The following SLC16A5 variants were observed in gnomAD, a reference collection of about 807,000 sequenced individuals.
The protein encoded by SLC16A5 is monocarboxylate transporter 6.
A neutral mutation model predicts 33.2 loss-of-function variants in SLC16A5; 29 were observed. The observed-to-expected ratio is 0.87, with a 90% CI of 0.65 to 1.19. The LOEUF is 1.19. Ranked by LOEUF, SLC16A5 falls within the 50% of genes most tolerant of loss-of-function variation. The pLI is 0.00. For synonymous variants in SLC16A5, 248 were observed against 284.1 expected, an observed-to-expected ratio of 0.87 and a Z score of 1.28; for missense variants, 606 against 678.2, an observed-to-expected ratio of 0.89 and a Z score of 1.18.
rs548399920 is a variant in SLC16A5, at chr17:75,098,590, G to A, written c.343+409G>A. 7.2e-5 allele frequency among the ~76,000 whole-genome samples: 11 copies of A among 152,266 alleles called. No homozygotes were observed. The South Asian group carries it at 2.3e-3, about 32-fold the overall frequency. On this transcript the variant is annotated intron_variant, in intron 4 of 6. Coordinates refer to ENST00000329783, the MANE Select transcript of SLC16A5 (RefSeq NM_004695.4). ...CAAAAAACAAAGTGCTGGGATTACA[G>A]GTGTGAGCCCATCATGCCCAGCCCT...
At chr17:75,094,476 C>T (rs908118601) in intron 3 of SLC16A5, among the ~76,000 whole-genome samples, 1 of 152,116 alleles carries the variant, frequency 6.6e-6, no homozygotes, top group African/African-American at 2.4e-5. Flanking sequence ...CACCTGAGGT[C>T]GGGAGTTTGA....
chr17:75,094,475 T>C (rs560057927), intron 3 of SLC16A5, among the ~76,000 whole-genome samples: 1 of 151,840 alleles, frequency 6.6e-6, no homozygotes, highest in South Asian at 2.1e-4. Context: ...TCACCTGAGG[T>C]CGGGAGTTTG....
chr17:75,101,279 G>GT, intron 5 of SLC16A5, among the ~76,000 whole-genome samples: 1 of 148,638 alleles, frequency 6.7e-6, no homozygotes, highest in East Asian at 2.0e-4. Context: ...ATGGGTTTGT[G>GT]ACCAGGTGCG....
In SLC16A5 at chr17:75,100,502, T is replaced by C. The variant is rs781325686; in HGVS notation, c.839T>C (p.Ile280Thr). 13 of 1,614,184 alleles carry C rather than the reference T, an allele frequency of 8.1e-6. No homozygotes were observed. In the South Asian group the frequency reaches 1.3e-4, roughly 16 times the overall value. Residue 280 changes from isoleucine (I) to threonine (T), a missense_variant, in exon 5 of 7, where the codon ATC (isoleucine) becomes ACC (threonine). Transcript: ENST00000329783. ...EQQAALLISIIGFSNIFLRPL... is the reference protein window; with the variant it reads ...EQQAALLISITGFSNIFLRPL... The stretch of plus-strand genomic sequence containing the variant: ...CAGGCAGCCCTCCTCATCTCCATCA[T>C]CGGCTTCAGCAACATCTTCCTGAGG...
intron 6 of SLC16A5, 88 bp downstream of exon 6, chr17:75,104,268 A>G: frequency 6.5e-7 from 1 of 1,543,752 alleles, no homozygotes; most frequent in Non-Finnish European, 8.8e-7. Flanking sequence ...GTCTCAGCCC[A>G]GCCCAGGAGG....
intron 3 of SLC16A5, among the ~76,000 whole-genome samples, chr17:75,096,843 T>G (rs901467973): frequency 5.4e-5 from 6 of 111,296 alleles, no homozygotes; most frequent in African/African-American, 2.6e-4. Flanking sequence ...CTCCATCACT[T>G]TTTTTTTTTT....
At chr17:75,092,218 C>T (rs965105463) in intron 2 of SLC16A5, among the ~76,000 whole-genome samples, 3 of 151,808 alleles carry the variant, frequency 2.0e-5, no homozygotes, top group African/African-American at 7.3e-5. Flanking sequence ...GCTTGTATGC[C>T]TCTGTGTGTG....
intron 2 of SLC16A5, among the ~76,000 whole-genome samples, chr17:75,089,651 G>A (rs527347502): frequency 1.3e-5 from 2 of 151,850 alleles, no homozygotes; most frequent in Admixed American, 6.6e-5. Context: ...CTACTTCGGA[G>A]GCTGAGGCAG....
chr17:75,104,901 C>G, intron 6 of SLC16A5: 3 of 985,478 alleles, frequency 3.0e-6, no homozygotes, highest in Non-Finnish European at 3.6e-6. Context: ...CTGTGTGTTG[C>G]TGCTCCTACA....
At chr17:75,100,840 G>T in intron 5 of SLC16A5, 24 bp downstream of exon 5, 1 of 1,541,698 alleles carries the variant, frequency 6.5e-7, no homozygotes, top group East Asian at 2.4e-5. Context: ...AGGGAGGGCA[G>T]CCAGATAGTG....
chr17:75,087,643 C>G (rs1472760065), upstream of SLC16A5: 3 of 152,290 alleles, frequency 2.0e-5, no homozygotes, highest in Non-Finnish European at 4.4e-5. Context: ...CCTTCCCCAC[C>G]CCACTTCCTG....
chr17:75,103,860 C>A, intron 5 of SLC16A5, 110 bp from the exon 6 acceptor site: 1 of 940,950 alleles, frequency 1.1e-6, no homozygotes, highest in Non-Finnish European at 1.7e-6. Flanking sequence ...GTGTCAGCCA[C>A]AATTCCTAGT....
At chr17:75,097,880 A>G (rs2073740812) in intron 3 of SLC16A5, among the ~76,000 whole-genome samples, 158 bp from the exon 4 acceptor site, 2 of 152,298 alleles carry the variant, frequency 1.3e-5, no homozygotes, top group South Asian at 2.1e-4. Flanking sequence ...CTCAGGCCAC[A>G]TGGCCAGTCC....
intron 5 of SLC16A5, among the ~76,000 whole-genome samples, chr17:75,101,642 T>C (rs915094742): frequency 1.3e-5 from 2 of 150,916 alleles, no homozygotes; most frequent in Non-Finnish European, 1.5e-5. Context: ...ACCTCCTTTT[T>C]CCTTTTTGTT....
At chr17:75,097,306 A>G (rs1290679449) in intron 3 of SLC16A5, among the ~76,000 whole-genome samples, 1 of 152,138 alleles carries the variant, frequency 6.6e-6, no homozygotes, top group Non-Finnish European at 1.5e-5. Context: ...GCCAAGGAGC[A>G]GTCTGCAGCT....
At chr17:75,093,092 A>C (rs899137374) in intron 2 of SLC16A5, among the ~76,000 whole-genome samples, 1 of 151,976 alleles carries the variant, frequency 6.6e-6, no homozygotes, top group Admixed American at 6.6e-5. Flanking sequence ...AACAGCACCA[A>C]TAGTAACTTT....
chr17:75,089,622 C>T (rs1256758195), intron 2 of SLC16A5, among the ~76,000 whole-genome samples: 2 of 151,924 alleles, frequency 1.3e-5, no homozygotes, highest in Non-Finnish European at 2.9e-5. Context: ...GGCATAGTGG[C>T]GTGTGCCTGT....
At chr17:75,110,076 A>G (rs970704183), downstream of SLC16A5, 13 of 540,984 alleles carry the variant, frequency 2.4e-5, no homozygotes, top group African/African-American at 2.5e-4. Flanking sequence ...TTCAAACGCA[A>G]CTCCTACAGG....
chr17:75,098,303 C>T (rs1305153596), intron 4 of SLC16A5, 122 bp downstream of exon 4: 1 of 1,318,418 alleles, frequency 7.6e-7, no homozygotes, highest in African/African-American at 1.5e-5. Flanking sequence ...TGGCTCACAC[C>T]TGTTATCCCA....
Sources: allele counts gnomAD v4.1 joint callset (sites outside exome capture counted in the v4.1 genomes callset), GRCh38; gene constraint gnomAD v4.1.1; transcripts MANE v1.5; gene names NCBI Gene and HGNC (gene_info 2026-07-23, HGNC 2026-07-21).